Variants in ATCAY observed in about 807,000 individuals in gnomAD.
ATCAY encodes the protein ATCAY kinesin light chain interacting caytaxin.
In ATCAY, 22 loss-of-function variants were observed where a neutral mutation model predicts 47.7. The observed-to-expected ratio is 0.46, with a 90% CI of 0.33 to 0.66. The LOEUF is 0.66. Among genes scored for constraint, ATCAY ranks in the 30% least tolerant of loss-of-function variants. ATCAY has a pLI of 0.02. For missense variants in ATCAY, 452 were observed against 515.0 expected (o/e 0.88, Z 1.18); for synonymous variants, 216 against 207.6 (o/e 1.04, Z -0.35).
intron 2 of ATCAY, among the ~76,000 whole-genome samples, chr19:3,888,997 C>T (rs919010228): frequency 1.4e-4 from 22 of 152,058 alleles, no homozygotes; most frequent in Non-Finnish European, 1.2e-4. Flanking sequence ...CGGCTGGGAG[C>T]GGAGGCTGAT....
chr19:3,897,263 C>CTA (rs10677459), intron 2 of ATCAY, among the ~76,000 whole-genome samples: 16,996 of 143,704 alleles, frequency 0.12, 1,260 homozygotes, highest in African/African-American at 0.22. Flanking sequence ...TTGAAGTTTG[C>CTA]TATATATATA....
chr19:3,923,418 G>A (rs1177902210), intron 12 of ATCAY, among the ~76,000 whole-genome samples: 1 of 152,220 alleles, frequency 6.6e-6, no homozygotes, highest in Non-Finnish European at 1.5e-5. Context: ...ATGAATGGAT[G>A]AATGGATAGG....
chr19:3,902,592 C>T (rs1176231828), intron 3 of ATCAY, 47 bp downstream of exon 3: 11 of 1,543,900 alleles, frequency 7.1e-6, no homozygotes, highest in East Asian at 2.4e-5. Context: ...TCAGTGTTTC[C>T]GGGTTTCAGC....
rs61551618 is a variant in ATCAY at position 3,924,519 on chromosome 19, A to G, written c.1107-64A>G. The G allele has an allele frequency of 5.6e-3, 9,000 of 1,596,972 alleles. 345 individuals are homozygous for G. The African/African-American group carries it at 0.093, about 17-fold the overall frequency. ...TCATTGTTTTGGATTACATACATGT[A>G]GAAGCGCATTTTGCACTTTTAACAT... On this transcript the variant is annotated intron_variant, in intron 12 of 12. Coordinates refer to ENST00000450849, the MANE Select transcript of ATCAY (RefSeq NM_033064.5).
At chr19:3,906,964 T>C (rs1230940609) in intron 4 of ATCAY, among the ~76,000 whole-genome samples, 1 of 148,908 alleles carries the variant, frequency 6.7e-6, no homozygotes, top group African/African-American at 2.5e-5. Flanking sequence ...ATGGTGAAGC[T>C]CCATCTCTAC....
In ATCAY at chr19:3,927,773, G is replaced by A. The variant is rs10412199; in HGVS notation, c.*3181G>A. Reference sequence around the variant, plus strand: ...GGGCCACCGTTCCCAGCTGGGCCACGACCTGCACCGTCCACAGATGGGCTT... The same window carrying A: ...GGGCCACCGTTCCCAGCTGGGCCACAACCTGCACCGTCCACAGATGGGCTT... On this transcript the variant is annotated 3_prime_UTR_variant, in exon 13 of 13. Transcript: ENST00000450849. The A allele has an allele frequency of 0.39, 59,195 of 152,180 alleles. 12,023 individuals carry two copies. The highest frequency in any genetic ancestry group is 0.62 in the South Asian group (2,973 of 4,824). The allele number at this position is 152,180 out of a possible 1,614,324, so 9.4% of individuals were successfully genotyped here. A position where few individuals can be genotyped will look rare whatever the true frequency, so the allele number is the denominator to read the frequency against.
Position 3,926,807 on chromosome 19 carries a change from T to A in ATCAY, c.*2215T>A, listed in dbSNP as rs917036835. 5.3e-5 allele frequency: 8 copies of A among 152,146 alleles called. No homozygotes were observed. Among genetic ancestry groups the A allele is most frequent in the Admixed American group, 1.3e-4 (2 of 15,254 alleles). The allele number at this position is 152,146 out of a possible 1,614,324, so 9.4% of individuals were successfully genotyped here. A position where few individuals can be genotyped will look rare whatever the true frequency, so the allele number is the denominator to read the frequency against. On this transcript the variant is annotated 3_prime_UTR_variant, in exon 13 of 13. Transcript: ENST00000450849. ...GCATTGCCCTGGGGAGGCTGGGACA[T>A]TTAGGGACATGGTAGGGTTTTAACA...
In ATCAY at chr19:3,907,774, C is replaced by G. The variant is rs543630723; in HGVS notation, c.399C>G (p.Asp133Glu). The G allele has an allele frequency of 6.2e-7, 1 of 1,614,032 alleles. No individual in the cohort carries two copies. Among genetic ancestry groups the G allele is most frequent in the Non-Finnish European group, 8.5e-7 (1 of 1,179,888 alleles). The change falls in exon 5 of 13, where the codon GAC (aspartate) becomes GAG (glutamate). Residue 133 changes from aspartate to glutamate, a missense_variant. By Grantham distance (45) the Asp-to-Glu change is conservative (BLOSUM62 2). Transcript: ENST00000450849. The surrounding 1 kb of genome is among the most constrained non-coding windows in gnomAD (Gnocchi z 5.1). The stretch of plus-strand genomic sequence containing the variant: ...CCACCGCCAAGAACATGCCCGGGGA[C>G]AGCGCGGATCTATTTGGGGACGGCA... ...PVATAKNMPG[D>E]SADLFGDGTT...
At chr19:3,908,057 C>T (rs544031638) in intron 5 of ATCAY, 138 bp downstream of exon 5, 23 of 1,244,566 alleles carry the variant, frequency 1.8e-5, no homozygotes, top group South Asian at 1.7e-4. Flanking sequence ...GTGGGCAAGG[C>T]GTGCATGGTC....
intron 2 of ATCAY, among the ~76,000 whole-genome samples, chr19:3,894,232 C>A (rs1291049064): frequency 1.3e-5 from 2 of 151,974 alleles, no homozygotes; most frequent in African/African-American, 2.4e-5. Flanking sequence ...CGTCTGTAAT[C>A]CCAGCACTTT....
Position 3,907,097 on chromosome 19 carries a change from C to G in ATCAY, c.359-637C>G, listed in dbSNP as rs538251556. On this transcript the variant is annotated intron_variant, in intron 4 of 12. Coordinates refer to ENST00000450849, the MANE Select transcript of ATCAY (RefSeq NM_033064.5). This position sits in a 1 kb window ranked among gnomAD's most constrained non-coding sequence, Gnocchi z 5.1. ...TGCAGTGAGCAGAGATCGCACCACTCCACTCCAGCCTGGGCGATGGAACAA... is the reference window on the plus strand; with the variant it reads ...TGCAGTGAGCAGAGATCGCACCACTGCACTCCAGCCTGGGCGATGGAACAA... 5.0e-4 allele frequency among the ~76,000 whole-genome samples: 76 copies of G among 150,566 alleles called. No individual in the cohort carries two copies. Among genetic ancestry groups the G allele is most frequent in the Non-Finnish European group, 6.2e-4 (42 of 67,732 alleles).
At position 3,905,514 on chromosome 19, in the gene ATCAY, G is replaced by C; in HGVS notation, c.217G>C (p.Asp73His). 6.2e-7 allele frequency: 1 copy of C among 1,613,950 alleles called. No individual in the cohort carries two copies. The highest frequency in any genetic ancestry group is 8.5e-7 in the Non-Finnish European group (1 of 1,179,876). Residue 73 changes from aspartate to histidine, a missense_variant, in exon 4 of 13, where the codon GAT becomes CAT. Physicochemically the swap from Asp to His is moderately conservative, Grantham distance 81. Coordinates refer to ENST00000450849, the MANE Select transcript of ATCAY (RefSeq NM_033064.5). ...GGCCCCAGAGATCAACATTTCTCTGGATCAGAGTGAGGGGTCCCTGCTGTC... is the reference window on the plus strand; with the variant it reads ...GGCCCCAGAGATCAACATTTCTCTGCATCAGAGTGAGGGGTCCCTGCTGTC... ...LVAPEINISL[D>H]QSEGSLLSDD...
intron 2 of ATCAY, among the ~76,000 whole-genome samples, chr19:3,888,008 G>A (rs999652959): frequency 4.6e-5 from 7 of 151,642 alleles, no homozygotes; most frequent in Admixed American, 1.3e-4. Context: ...CCCAGTACTC[G>A]GGAGGCTGAG....
intron 10 of ATCAY, among the ~76,000 whole-genome samples, 199 bp from the exon 11 acceptor site, chr19:3,918,607 T>C (rs919404299): frequency 5.3e-5 from 8 of 151,464 alleles, no homozygotes; most frequent in African/African-American, 1.7e-4. Flanking sequence ...CAATGCCAGC[T>C]TTGAGGGAAA....
At chr19:3,883,342 A>G (rs1013528252) in intron 1 of ATCAY, among the ~76,000 whole-genome samples, 1 of 149,982 alleles carries the variant, frequency 6.7e-6, no homozygotes, top group Non-Finnish European at 1.5e-5. Context: ...ACTCTGTCTC[A>G]AAAAAAAAAT....
chr19:3,883,458 C>A (rs1313820673), intron 1 of ATCAY, among the ~76,000 whole-genome samples: 1 of 152,156 alleles, frequency 6.6e-6, no homozygotes, highest in African/African-American at 2.4e-5. Context: ...CGGACACAGG[C>A]CTGAAATCCT....
chr19:3,925,250 CATCCTTG>C lies in ATCAY; in HGVS notation c.*659_*665del, dbSNP rs2039056472. On this transcript the variant is annotated 3_prime_UTR_variant, in exon 13 of 13. Transcript: ENST00000450849. The surrounding 1 kb of genome is among the most constrained non-coding windows in gnomAD (Gnocchi z 4.4). The stretch of plus-strand genomic sequence containing the variant: ...TTGCACAAGAAGAGCCGCTGCCAAC[CATCCTTG>C]TCCTCCGATTGCAAAATGACACCCC... 1 of 152,342 alleles carries C rather than the reference CATCCTTG, an allele frequency of 6.6e-6. No homozygotes were observed. 9.4% of individuals were successfully genotyped at this position (152,342 alleles called of 1,614,324 possible).
chr19:3,898,666 A>C (rs573980385), intron 2 of ATCAY, among the ~76,000 whole-genome samples: 16 of 152,200 alleles, frequency 1.1e-4, no homozygotes, highest in African/African-American at 3.9e-4. Context: ...TCAGCTGTTA[A>C]TGGACTGGTG....
In ATCAY at chr19:3,909,622, G is replaced by C; in HGVS notation, c.779+5G>C. On this transcript the variant is annotated splice_donor_5th_base_variant and intron_variant, in intron 7 of 12. Transcript: ENST00000450849. ...CTACCAGATGATCGACCGGAGGTGAGGTGGGGATGCCTCAGGAAGCACAGT... is the reference window on the plus strand; with the variant it reads ...CTACCAGATGATCGACCGGAGGTGACGTGGGGATGCCTCAGGAAGCACAGT... The C allele has an allele frequency of 6.3e-7, 1 of 1,578,582 alleles. No homozygotes were observed. The highest frequency in any genetic ancestry group is 8.6e-7 in the Non-Finnish European group (1 of 1,162,228).
Sources: gnomAD v4.1 joint callset for allele counts (sites outside exome capture counted in the v4.1 genomes callset) on GRCh38, gnomAD v4.1.1 for gene constraint, Gnocchi (gnomAD v3.1) non-coding constraint, MANE v1.5 for transcripts, NCBI Gene and HGNC (gene_info 2026-07-23, HGNC 2026-07-21) for gene names.